NCAM1: variants seen among roughly 807,000 people sequenced by gnomAD.
NCAM1 encodes the protein neural cell adhesion molecule 1.
Under a neutral mutation model 109.8 loss-of-function variants are expected in NCAM1, and 14 were observed. The ratio of observed to expected loss-of-function variants is 0.13; its 90% CI spans 0.08 to 0.20. NCAM1 has a LOEUF of 0.20. Ranked by LOEUF, NCAM1 falls within the 10% of genes least tolerant of loss-of-function variation. NCAM1 has a pLI of 1.00. For synonymous variants in NCAM1, 418 were observed against 442.9 expected (o/e 0.94, Z 0.70); for missense variants, 774 against 1,109.9 (o/e 0.70, Z 4.30).
At chr11:113,148,258 T>A (rs1261995662) in intron 1 of NCAM1, among the ~76,000 whole-genome samples, 1 of 152,062 alleles carries the variant, frequency 6.6e-6, no homozygotes, top group Non-Finnish European at 1.5e-5. Context: ...AGGATTAGGA[T>A]GCTCATGTCG....
At chr11:113,258,713 C>T (rs1251210910) in intron 16 of NCAM1, among the ~76,000 whole-genome samples, 1 of 152,172 alleles carries the variant, frequency 6.6e-6, no homozygotes, top group Non-Finnish European at 1.5e-5. Context: ...CTGACTTGAT[C>T]TTTACAAATT....
intron 1 of NCAM1, among the ~76,000 whole-genome samples, chr11:112,987,527 C>A (rs1555069875): frequency 6.6e-6 from 1 of 152,008 alleles, no homozygotes; most frequent in Non-Finnish European, 1.5e-5. Context: ...TCTATATTTC[C>A]CTTCAGATCT....
Position 112,964,264 on chromosome 11 carries a change from C to T in NCAM1, c.52+2600C>T, listed in dbSNP as rs753424329. ...CATATAAGGCAAGCTAACCTTAATA[C>T]GTCAAGTGAGTCCGATGGGCTGCCC... On this transcript the variant is annotated intron_variant, in intron 1 of 19. Transcript: ENST00000316851. Among the ~76,000 whole-genome samples the T allele has an allele frequency of 5.4e-5, 8 of 149,052 alleles. No homozygotes were observed. The South Asian group carries it at 1.7e-3, about 32-fold the overall frequency.
intron 1 of NCAM1, among the ~76,000 whole-genome samples, chr11:113,158,552 TC>T (rs1408061103): frequency 6.6e-6 from 1 of 152,218 alleles, no homozygotes; most frequent in African/African-American, 2.4e-5. Context: ...TCTTCTTCTC[TC>T]CCCTTGTCCC....
intron 1 of NCAM1, among the ~76,000 whole-genome samples, chr11:113,061,851 A>G (rs1245094): frequency 0.53 from 80,877 of 152,048 alleles, 22,286 homozygotes; most frequent in Middle Eastern, 0.59. Flanking sequence ...GGAGACTGGA[A>G]CCTGGGGTTC....
chr11:113,102,172 T>A (rs1030179981), intron 1 of NCAM1, among the ~76,000 whole-genome samples: 1 of 152,242 alleles, frequency 6.6e-6, no homozygotes, highest in African/African-American at 2.4e-5. Context: ...GAAAAAGTTC[T>A]TTAGGATTAT....
At chr11:113,036,823 G>T (rs1242953917) in intron 1 of NCAM1, among the ~76,000 whole-genome samples, 2 of 152,092 alleles carry the variant, frequency 1.3e-5, no homozygotes, top group Non-Finnish European at 2.9e-5. Context: ...CATTTTGCTT[G>T]TCTCTGTAGG....
At chr11:113,128,872 A>G (rs1167777123) in intron 1 of NCAM1, among the ~76,000 whole-genome samples, 1 of 150,940 alleles carries the variant, frequency 6.6e-6, no homozygotes, top group Non-Finnish European at 1.5e-5. Flanking sequence ...ATGACCTGCA[A>G]TTGGAGAGTA....
rs1413060556 is a variant in NCAM1 at position 113,278,341 on chromosome 11, T to C, written c.*2954T>C. On this transcript the variant is annotated 3_prime_UTR_variant, in exon 20 of 20. Coordinates refer to ENST00000316851, the MANE Select transcript of NCAM1 (RefSeq NM_181351.5). ...AACATCGATACCACCTTTGTTTCCA[T>C]TCTCACTGGTGTAAATACTGAGTAC... The C allele has an allele frequency of 6.6e-6, 1 of 152,234 alleles. No homozygotes were observed. The highest frequency in any genetic ancestry group is 1.5e-5 in the Non-Finnish European group (1 of 68,042). 9.4% of individuals were successfully genotyped at this position (152,234 alleles called of 1,614,324 possible). A position where few individuals can be genotyped will look rare whatever the true frequency, so the allele number is the denominator to read the frequency against.
intron 1 of NCAM1, among the ~76,000 whole-genome samples, chr11:113,063,846 CTT>C (rs1439343846): frequency 6.6e-6 from 1 of 152,120 alleles, no homozygotes; most frequent in Non-Finnish European, 1.5e-5. Flanking sequence ...TTTAAATAAT[CTT>C]TTAGAGCACC....
chr11:113,164,779 T>C (rs1555104983), intron 1 of NCAM1, among the ~76,000 whole-genome samples: 1 of 151,996 alleles, frequency 6.6e-6, no homozygotes, highest in East Asian at 1.9e-4. Context: ...ACTTCAGAGA[T>C]TTTTATGGAG....
intron 15 of NCAM1, among the ~76,000 whole-genome samples, chr11:113,253,770 G>A (rs1945761561): frequency 6.6e-6 from 1 of 152,152 alleles, no homozygotes; most frequent in African/African-American, 2.4e-5. Context: ...CTCCAGGCTA[G>A]GGCAGGTAGA....
At chr11:113,031,320 TCACCACTA>T (rs1386353335) in intron 1 of NCAM1, among the ~76,000 whole-genome samples, 11 of 152,140 alleles carry the variant, frequency 7.2e-5, no homozygotes, top group Non-Finnish European at 1.5e-4. Flanking sequence ...AGACAGCACT[TCACCACTA>T]CCTTGGGAGG....
chr11:113,007,691 C>G (rs1422429361), intron 1 of NCAM1, among the ~76,000 whole-genome samples: 4 of 152,136 alleles, frequency 2.6e-5, no homozygotes, highest in African/African-American at 9.7e-5. Flanking sequence ...CATGAATATC[C>G]CAAGTACCAG....
chr11:113,158,615 C>T (rs1336754438), intron 1 of NCAM1, among the ~76,000 whole-genome samples: 2 of 152,174 alleles, frequency 1.3e-5, no homozygotes, highest in African/African-American at 4.8e-5. Context: ...TGTACAATGT[C>T]CTGGTTGCTT....
At chr11:113,125,342 C>A (rs1242671818) in intron 1 of NCAM1, among the ~76,000 whole-genome samples, 3 of 152,166 alleles carry the variant, frequency 2.0e-5, no homozygotes, top group African/African-American at 4.8e-5. Flanking sequence ...AAATTCTAAA[C>A]CCTAACACCA....
At chr11:113,112,250 C>T in intron 1 of NCAM1, among the ~76,000 whole-genome samples, 1 of 152,196 alleles carries the variant, frequency 6.6e-6, no homozygotes, top group East Asian at 1.9e-4. Flanking sequence ...AAACAAACTT[C>T]TCTTTCTTAT....
intron 17 of NCAM1, chr11:113,263,593 C>A: frequency 1.0e-6 from 1 of 985,518 alleles, no homozygotes; most frequent in Non-Finnish European, 1.2e-6. Context: ...ACGGCCAGCA[C>A]CTTACACTGT....
chr11:113,096,760 C>T lies in NCAM1; in HGVS notation c.53-105619C>T, dbSNP rs538904157. Among the ~76,000 whole-genome samples, 10 of 152,208 alleles carry T rather than the reference C, an allele frequency of 6.6e-5. No individual in the cohort carries two copies. In the East Asian group the frequency reaches 1.4e-3, roughly 21 times the overall value. Reference sequence around the variant, plus strand: ...CCTGGGGTTCAGAGCCCTCATCCCACGACTACATCTTACTTTTCATTCTCC... The same window carrying T: ...CCTGGGGTTCAGAGCCCTCATCCCATGACTACATCTTACTTTTCATTCTCC... On this transcript the variant is annotated intron_variant, in intron 1 of 19. Coordinates refer to ENST00000316851, the MANE Select transcript of NCAM1 (RefSeq NM_181351.5).
Sources: allele counts gnomAD v4.1 joint callset (sites outside exome capture counted in the v4.1 genomes callset), GRCh38; gene constraint gnomAD v4.1.1; transcripts MANE v1.5; gene names NCBI Gene and HGNC (gene_info 2026-07-23, HGNC 2026-07-21).